PPM1E: variants seen among roughly 807,000 people sequenced by gnomAD.
PPM1E encodes the protein protein phosphatase 1E.
PPM1E carries 20 observed loss-of-function variants against 65.9 expected under a neutral mutation model. The ratio of observed to expected loss-of-function variants is 0.30; its 90% CI spans 0.21 to 0.44. The LOEUF (loss-of-function observed/expected upper bound fraction) is 0.44, where lower values mean the gene tolerates loss of function less well. PPM1E is among the 20% of genes least tolerant of loss of function. PPM1E has a pLI of 1.00. For synonymous variants in PPM1E, 352 were observed against 374.9 expected, an observed-to-expected ratio of 0.94 and a Z score of 0.70; for missense variants, 713 against 953.1, an observed-to-expected ratio of 0.75 and a Z score of 3.32.
At chr17:58,779,245 G>A (rs2050028778) in intron 1 of PPM1E, among the ~76,000 whole-genome samples, 1 of 143,774 alleles carries the variant, frequency 7.0e-6, no homozygotes, top group South Asian at 2.2e-4. Flanking sequence ...GTGCGATCTT[G>A]GCTCACTGCA....
At chr17:58,963,585 T>TG (rs2030114959) in intron 2 of PPM1E, among the ~76,000 whole-genome samples, 1 of 151,742 alleles carries the variant, frequency 6.6e-6, no homozygotes, top group African/African-American at 2.4e-5. Flanking sequence ...GGCAGGCGCC[T>TG]GTAGTCCCAG....
Position 58,980,731 on chromosome 17 carries a change from G to C in PPM1E, c.1968G>C (p.Gln656His). The C allele has an allele frequency of 1.2e-6, 2 of 1,614,208 alleles. No individual in the cohort carries two copies. Among genetic ancestry groups the C allele is most frequent in the African/African-American group, 2.7e-5 (2 of 75,054 alleles). ...TCTGTTCAGGGTTGGAAAATGAACA[G>C]TTCAAATCCCCGGGAAACAGAGTTT... ...SPVCSGLENE[Q>H]FKSPGNRVSR... The change falls in exon 7 of 7, where the codon CAG (glutamine) becomes CAC (histidine). Residue 656 changes from glutamine (Q) to histidine (H), a missense_variant. Coordinates refer to ENST00000308249, the MANE Select transcript of PPM1E (RefSeq NM_014906.5). This position sits in a 1 kb window ranked among gnomAD's most constrained non-coding sequence, Gnocchi z 4.7.
chr17:58,811,620 A>G (rs1208494580), intron 1 of PPM1E, among the ~76,000 whole-genome samples: 1 of 152,194 alleles, frequency 6.6e-6, no homozygotes, highest in Non-Finnish European at 1.5e-5. Context: ...ACCTGTCTCA[A>G]TAAAATGTTA....
chr17:58,966,731 G>A (rs139640185), intron 3 of PPM1E: 4 of 152,940 alleles, frequency 2.6e-5, no homozygotes, highest in African/African-American at 9.6e-5. Flanking sequence ...CAAACAAGTA[G>A]GTTTGTTTTC....
chr17:58,976,105 T>G (rs2030979055), intron 6 of PPM1E, among the ~76,000 whole-genome samples: 1 of 152,116 alleles, frequency 6.6e-6, no homozygotes, highest in Non-Finnish European at 1.5e-5. Flanking sequence ...TTTCTATTTT[T>G]AGGACGAGGA....
Position 58,909,771 on chromosome 17 carries a change from C to A in PPM1E, c.465-45878C>A, listed in dbSNP as rs778703923. On this transcript the variant is annotated intron_variant, in intron 1 of 6. Transcript: ENST00000308249. The stretch of plus-strand genomic sequence containing the variant: ...ATTTTCTATAGTTTAAAATGATATT[C>A]CTAGGTACAGGGTTTTTGTTTTTGT... Among the ~76,000 whole-genome samples, 14 of 151,840 alleles carry A rather than the reference C, an allele frequency of 9.2e-5. 1 individual carries two copies. Among genetic ancestry groups the A allele is most frequent in the South Asian group, 4.2e-4 (2 of 4,782 alleles).
chr17:58,793,876 C>T (rs1369367872), intron 1 of PPM1E, among the ~76,000 whole-genome samples: 1 of 152,008 alleles, frequency 6.6e-6, no homozygotes, highest in African/African-American at 2.4e-5. Context: ...CAGGGTTTCA[C>T]TCTGTTGCCC....
At chr17:58,822,331 TTTATTTA>T (rs1567843982) in intron 1 of PPM1E, among the ~76,000 whole-genome samples, 7 of 3,356 alleles carry the variant, frequency 2.1e-3, no homozygotes, top group South Asian at 0.011. Context: ...TTTATTTTTA[TTTATTTA>T]TTTATTTATT....
chr17:58,961,832 C>T (rs1457549893), intron 2 of PPM1E, among the ~76,000 whole-genome samples: 1 of 152,044 alleles, frequency 6.6e-6, no homozygotes, highest in Non-Finnish European at 1.5e-5. Flanking sequence ...GAGATGGGGT[C>T]TTGCTATGTT....
chr17:58,940,716 GT>G (rs57066109), intron 1 of PPM1E, among the ~76,000 whole-genome samples: 4 of 150,856 alleles, frequency 2.7e-5, no homozygotes, highest in Admixed American at 6.6e-5. Context: ...TGTTTTTTGG[GT>G]TTTTTTTTGA....
chr17:58,969,739 T>C lies in PPM1E; in HGVS notation c.972+12T>C. ...AAGCAGCCAGGGAGGTATGCCCCTT[T>C]CTCATAAGTTCCAGCTAGAAATGTA... On this transcript the variant is annotated intron_variant, in intron 4 of 6. Coordinates refer to ENST00000308249, the MANE Select transcript of PPM1E (RefSeq NM_014906.5). 6.2e-7 allele frequency: 1 copy of C among 1,612,998 alleles called. No individual in the cohort carries two copies. The highest frequency in any genetic ancestry group is 8.5e-7 in the Non-Finnish European group (1 of 1,179,278).
intron 1 of PPM1E, among the ~76,000 whole-genome samples, chr17:58,766,227 A>C (rs1298120921): frequency 2.0e-5 from 1 of 49,748 alleles, no homozygotes; most frequent in Non-Finnish European, 3.7e-5. Flanking sequence ...TTTGAGATGG[A>C]GTCTCGCTCT....
At chr17:58,880,104 T>G (rs2051177806) in intron 1 of PPM1E, among the ~76,000 whole-genome samples, 1 of 152,154 alleles carries the variant, frequency 6.6e-6, no homozygotes, top group South Asian at 2.1e-4. Context: ...AGCTAAATTG[T>G]GTGGGGAGGC....
At position 58,948,195 on chromosome 17, in the gene PPM1E, G is replaced by A. The variant is rs9909602; in HGVS notation, c.465-7454G>A. The stretch of plus-strand genomic sequence containing the variant: ...CATGTTTAGATTAGGAAGGGAAACA[G>A]ACTCTATTTTTTTATGGGGAATGGC... On this transcript the variant is annotated intron_variant, in intron 1 of 6. Transcript: ENST00000308249. 9.3e-4 allele frequency among the ~76,000 whole-genome samples: 142 copies of A among 152,300 alleles called. 1 individual carries two copies. Among genetic ancestry groups the A allele is most frequent in the African/African-American group, 3.3e-3 (139 of 41,572 alleles).
chr17:58,890,747 G>A (rs1181157079), intron 1 of PPM1E, among the ~76,000 whole-genome samples: 1 of 152,052 alleles, frequency 6.6e-6, no homozygotes, highest in Non-Finnish European at 1.5e-5. Flanking sequence ...CAGCTTGGAT[G>A]TTATCCTATC....
At chr17:58,800,112 A>G (rs1280963289) in intron 1 of PPM1E, among the ~76,000 whole-genome samples, 1 of 152,170 alleles carries the variant, frequency 6.6e-6, no homozygotes, top group African/African-American at 2.4e-5. Context: ...ATAAATATGT[A>G]TATATACATA....
intron 1 of PPM1E, chr17:58,785,283 T>TTTTATTTATTTATTTATTTA (rs71143288): frequency 3.6e-5 from 5 of 140,444 alleles, no homozygotes; most frequent in East Asian, 2.1e-4. Context: ...ATAATATAAC[T>TTTTATTTATTTATTTATTTA]TTTATTTATT....
Position 58,795,034 on chromosome 17 carries a change from G to A in PPM1E, c.464+38573G>A, listed in dbSNP as rs536511148. On this transcript the variant is annotated intron_variant, in intron 1 of 6. Transcript: ENST00000308249. ...CTCCCAAGTAGCTGGGGTTACAGGA[G>A]CCCACCCCCATGCCCAGCTAATTTT... Among the ~76,000 whole-genome samples the A allele has an allele frequency of 7.9e-5, 12 of 151,884 alleles. No homozygotes were observed. In the East Asian group the frequency reaches 1.9e-3, roughly 25 times the overall value.
intron 1 of PPM1E, among the ~76,000 whole-genome samples, chr17:58,871,085 A>C (rs2051063958): frequency 6.6e-6 from 1 of 152,108 alleles, no homozygotes. Flanking sequence ...CCCAGGCTAG[A>C]GTGCAGTGGT....
Sources: allele counts gnomAD v4.1 joint callset (sites outside exome capture counted in the v4.1 genomes callset), GRCh38; gene constraint gnomAD v4.1.1; non-coding constraint Gnocchi (gnomAD v3.1); transcripts MANE v1.5; gene names NCBI Gene and HGNC (gene_info 2026-07-23, HGNC 2026-07-21).